The following SCLT1 variants were observed in gnomAD, a reference collection of about 807,000 sequenced individuals.
SCLT1 encodes sodium channel and clathrin linker 1.
In SCLT1, 78 loss-of-function variants were observed where a neutral mutation model predicts 112.8. The ratio of observed to expected loss-of-function variants is 0.69; its 90% CI spans 0.58 to 0.83. The LOEUF (loss-of-function observed/expected upper bound fraction) is 0.83, where lower values mean the gene tolerates loss of function less well. Among genes scored for constraint, SCLT1 ranks in the 40% least tolerant of loss-of-function variants. The pLI, the probability that SCLT1 is intolerant of heterozygous loss-of-function variation, is 0.00. For missense variants in SCLT1, 747 were observed against 770.4 expected (o/e 0.97, Z 0.36); for synonymous variants, 257 against 254.7 (o/e 1.01, Z -0.09).
chr4:129,049,557 G>C (rs571930918), intron 2 of SCLT1, among the ~76,000 whole-genome samples: 3 of 150,172 alleles, frequency 2.0e-5, no homozygotes, highest in African/African-American at 7.4e-5. Flanking sequence ...TGCAGCACAC[G>C]AGCATGGCAC....
At chr4:128,999,832 A>G (rs772502043) in intron 6 of SCLT1, 38 bp from the exon 7 acceptor site, 1 of 1,521,990 alleles carries the variant, frequency 6.6e-7, no homozygotes, top group Non-Finnish European at 9.0e-7. Flanking sequence ...AATTATCAGC[A>G]GGCTATTTAT....
intron 1 of SCLT1, among the ~76,000 whole-genome samples, chr4:129,088,613 T>C (rs1752589826): frequency 6.6e-6 from 1 of 152,234 alleles, no homozygotes. Context: ...ATAAAACTAC[T>C]GACAGACTCT....
chr4:129,009,833 A>T lies in SCLT1; in HGVS notation c.291-5957T>A, dbSNP rs181268975. 4.1e-4 allele frequency among the ~76,000 whole-genome samples: 62 copies of T among 152,338 alleles called. No individual in the cohort carries two copies. The East Asian group carries it at 0.01, about 25-fold the overall frequency. On this transcript the variant is annotated intron_variant, in intron 5 of 20. Coordinates refer to ENST00000281142, the MANE Select transcript of SCLT1 (RefSeq NM_144643.4). ...TTTATTGTAAATTTAAGTTCCTTAT[A>T]GATGCTGGATATTTGACCTTTGTCA...
intron 5 of SCLT1, chr4:129,037,601 T>G (rs1055246293): frequency 6.6e-6 from 1 of 152,154 alleles, no homozygotes; most frequent in African/African-American, 2.4e-5. Flanking sequence ...CACCATAAAT[T>G]CCTAACCCCA....
intron 11 of SCLT1, among the ~76,000 whole-genome samples, chr4:128,964,320 A>C (rs1424678722): frequency 6.6e-6 from 1 of 152,220 alleles, no homozygotes; most frequent in African/African-American, 2.4e-5. Context: ...CAAAAAGCCA[A>C]TACTCCTGTT....
At chr4:128,909,969 T>C (rs1451045516) in intron 18 of SCLT1, among the ~76,000 whole-genome samples, 1 of 152,108 alleles carries the variant, frequency 6.6e-6, no homozygotes, top group East Asian at 1.9e-4. Flanking sequence ...GTATGAAAGA[T>C]GGAATAGAGT....
chr4:128,993,418 C>T (rs1035725783), intron 8 of SCLT1, among the ~76,000 whole-genome samples: 1 of 151,974 alleles, frequency 6.6e-6, no homozygotes, highest in African/African-American at 2.4e-5. Context: ...ATAATTAATG[C>T]TTGTGTTTTT....
chr4:128,997,694 T>C (rs888563054), intron 8 of SCLT1, among the ~76,000 whole-genome samples, 180 bp downstream of exon 8: 3 of 151,856 alleles, frequency 2.0e-5, no homozygotes, highest in Admixed American at 1.3e-4. Flanking sequence ...TTCAGAGAGA[T>C]GTTAGATCTC....
chr4:129,019,586 T>C (rs1224989797), intron 5 of SCLT1, among the ~76,000 whole-genome samples: 3 of 151,590 alleles, frequency 2.0e-5, no homozygotes, highest in African/African-American at 4.9e-5. Context: ...TTAATTCCCA[T>C]AGGAAGGCAG....
At chr4:129,027,759 A>C (rs1334942989) in intron 5 of SCLT1, among the ~76,000 whole-genome samples, 7 of 152,188 alleles carry the variant, frequency 4.6e-5, no homozygotes, top group Admixed American at 4.6e-4. Flanking sequence ...AGATGACATG[A>C]TTGTATATCT....
intron 5 of SCLT1, among the ~76,000 whole-genome samples, chr4:129,026,803 G>C (rs551858652): frequency 1.2e-4 from 18 of 152,226 alleles, no homozygotes; most frequent in East Asian, 3.9e-4. Context: ...TAGACCGCTA[G>C]CAAGACTAAT....
intron 18 of SCLT1, among the ~76,000 whole-genome samples, chr4:128,925,941 C>T (rs1393605130): frequency 6.6e-6 from 1 of 151,876 alleles, no homozygotes; most frequent in African/African-American, 2.4e-5. Flanking sequence ...TTATCATCTT[C>T]ATGTGTTCCT....
chr4:128,895,243 C>A (rs1733648639), intron 18 of SCLT1, among the ~76,000 whole-genome samples: 1 of 152,148 alleles, frequency 6.6e-6, no homozygotes, highest in African/African-American at 2.4e-5. Context: ...GTATCTCTAG[C>A]ATATTTCTCT....
intron 18 of SCLT1, among the ~76,000 whole-genome samples, chr4:128,931,182 A>AT (rs139765922): frequency 0.012 from 1,773 of 150,390 alleles, 24 homozygotes; most frequent in Middle Eastern, 0.02. Context: ...GGAAATTGTA[A>AT]TTTTTTTTTT....
At chr4:128,993,605 C>T (rs1204613703) in intron 8 of SCLT1, among the ~76,000 whole-genome samples, 1 of 151,884 alleles carries the variant, frequency 6.6e-6, no homozygotes, top group Admixed American at 6.6e-5. Context: ...ATATTTATGA[C>T]CATAAAGAAA....
chr4:128,971,617 T>G (rs1192258891), intron 9 of SCLT1: 1 of 152,168 alleles, frequency 6.6e-6, no homozygotes, highest in Admixed American at 6.5e-5. Flanking sequence ...ATAAAACTAG[T>G]ATTTAATGAG....
At chr4:129,003,658 T>C in intron 6 of SCLT1, 83 bp downstream of exon 6, 1 of 1,063,136 alleles carries the variant, frequency 9.4e-7, no homozygotes, top group Non-Finnish European at 1.4e-6. Context: ...TATTATTTTG[T>C]TATCCATAAA....
intron 18 of SCLT1, among the ~76,000 whole-genome samples, chr4:128,909,624 C>T (rs1038248195): frequency 2.0e-5 from 3 of 152,320 alleles, no homozygotes; most frequent in Admixed American, 2.0e-4. Flanking sequence ...TTCTACTTCA[C>T]TGTCAATAAT....
intron 11 of SCLT1, among the ~76,000 whole-genome samples, chr4:128,962,442 C>G (rs938243330): frequency 6.6e-6 from 1 of 152,022 alleles, no homozygotes; most frequent in East Asian, 1.9e-4. Context: ...TAAGAACAGA[C>G]GTTAATTGTA....
Sources: gnomAD v4.1 joint callset for allele counts (sites outside exome capture counted in the v4.1 genomes callset) on GRCh38, gnomAD v4.1.1 for gene constraint, MANE v1.5 for transcripts, NCBI Gene and HGNC (gene_info 2026-07-23, HGNC 2026-07-21) for gene names.